WNK3: variants seen among roughly 807,000 people sequenced by gnomAD.
WNK3 encodes serine/threonine-protein kinase WNK3.
In WNK3, 18 loss-of-function variants were observed where a neutral mutation model predicts 116.7. The observed-to-expected ratio is 0.15, with a 90% CI of 0.11 to 0.23. The LOEUF is 0.23. Ranked by LOEUF, WNK3 falls within the 10% of genes least tolerant of loss-of-function variation. WNK3 has a pLI of 1.00. For missense variants in WNK3, 993 were observed against 1,323.8 expected, an observed-to-expected ratio of 0.75 and a Z score of 3.88; for synonymous variants, 404 against 469.4, an observed-to-expected ratio of 0.86 and a Z score of 1.80.
At chrX:54,223,186 A>C (rs2146804231) in intron 22 of WNK3, 1 of 110,494 alleles carries the variant, frequency 9.1e-6, no homozygotes, top group Non-Finnish European at 1.9e-5. Flanking sequence ...TGATAACAAT[A>C]AACACAATTC....
intron 1 of WNK3, among the ~76,000 whole-genome samples, chrX:54,350,291 T>C (rs1320646051): frequency 9.1e-6 from 1 of 109,873 alleles, no homozygotes; most frequent in Non-Finnish European, 1.9e-5. Flanking sequence ...GCACCTATAG[T>C]CCCAGCTACT....
intron 17 of WNK3, among the ~76,000 whole-genome samples, chrX:54,245,187 T>TGTGTGTG: frequency 9.5e-6 from 1 of 105,309 alleles, no homozygotes; most frequent in African/African-American, 3.5e-5. Flanking sequence ...TGTGTGTGTG[T>TGTGTGTG]TCCTTTTTAA....
At chrX:54,255,317 G>C (rs2068179994) in intron 12 of WNK3, among the ~76,000 whole-genome samples, 1 of 111,432 alleles carries the variant, frequency 9.0e-6, no homozygotes, top group Admixed American at 9.6e-5. Flanking sequence ...TTGTAAAGAT[G>C]AGTATATACT....
rs2067991453 is a variant in WNK3 at position 54,238,859 on chromosome X, G to A, written c.3883+9C>T. On this transcript the variant is annotated intron_variant, in intron 18 of 23. Transcript: ENST00000354646. The stretch of plus-strand genomic sequence containing the variant: ...ACCTAGTCTATGTCCCTGACTGTAA[G>A]CACACTACCTTGACGGACTTTTGAT... The A allele has an allele frequency of 1.8e-6, 2 of 1,134,680 alleles. No homozygotes were observed. The highest frequency in any genetic ancestry group is 2.2e-5 in the South Asian group (1 of 44,989). The allele number at this position is 1,134,680 out of a possible 1,213,427, so 93.5% of individuals were successfully genotyped here. A position where few individuals can be genotyped will look rare whatever the true frequency, so the allele number is the denominator to read the frequency against.
chrX:54,289,174 T>C (rs1473562101), intron 10 of WNK3, among the ~76,000 whole-genome samples: 2 of 110,976 alleles, frequency 1.8e-5, no homozygotes, highest in Non-Finnish European at 3.8e-5. Flanking sequence ...ATATGAGGGC[T>C]GTACTGCAGC....
chrX:54,215,766 C>T (rs1336615089), intron 22 of WNK3, among the ~76,000 whole-genome samples: 1 of 111,094 alleles, frequency 9.0e-6, no homozygotes, highest in African/African-American at 3.3e-5. Context: ...CCGGCCGCCA[C>T]CCAGTCTGGG....
At chrX:54,276,401 ATTATAC>A (rs2068448486) in intron 10 of WNK3, among the ~76,000 whole-genome samples, 2 of 111,724 alleles carry the variant, frequency 1.8e-5, no homozygotes, top group Non-Finnish European at 1.9e-5. Context: ...TATATCTACA[ATTATAC>A]TTAGAAACTT....
At chrX:54,292,921 G>A (rs2068655006) in exon 10 of WNK3, 2 of 1,208,451 alleles carry the variant, frequency 1.7e-6, no homozygotes, top group African/African-American at 1.8e-5. Flanking sequence ...CAGTTAATGG[G>A]GAAACCTGGG....
intron 2 of WNK3, among the ~76,000 whole-genome samples, chrX:54,312,938 T>C (rs1441257824): frequency 9.0e-6 from 1 of 111,632 alleles, no homozygotes; most frequent in Non-Finnish European, 1.9e-5. Context: ...GAGTACTAAA[T>C]TCCTTTAGTT....
chrX:54,323,611 A>C (rs183748431), intron 2 of WNK3, among the ~76,000 whole-genome samples: 1 of 112,062 alleles, frequency 8.9e-6, no homozygotes, highest in East Asian at 2.8e-4. Flanking sequence ...CAAAATAAAA[A>C]GTTTTTAAAA....
intron 22 of WNK3, among the ~76,000 whole-genome samples, chrX:54,213,816 T>G (rs1376327306): frequency 9.1e-6 from 1 of 110,060 alleles, no homozygotes; most frequent in Non-Finnish European, 1.9e-5. Context: ...CCCCAGATAT[T>G]AAATATAATG....
At chrX:54,306,176 A>G (rs2068822898) in intron 5 of WNK3, among the ~76,000 whole-genome samples, 1 of 111,952 alleles carries the variant, frequency 8.9e-6, no homozygotes, top group African/African-American at 3.2e-5. Context: ...GATGCAGAGA[A>G]AAGGGAACCC....
chrX:54,329,695 AT>A (rs2069145475), intron 2 of WNK3, among the ~76,000 whole-genome samples: 3 of 110,343 alleles, frequency 2.7e-5, no homozygotes, highest in Non-Finnish European at 3.8e-5. Context: ...CCACTGAAAT[AT>A]TTTCAAGTTT....
At chrX:54,207,986 T>G (rs2067573110) in intron 22 of WNK3, among the ~76,000 whole-genome samples, 1 of 111,049 alleles carries the variant, frequency 9.0e-6, no homozygotes, top group Non-Finnish European at 1.9e-5. Flanking sequence ...CAGATTTGGA[T>G]TCTCTCACCT....
chrX:54,193,675 C>T (rs1557139455), exon 24 of WNK3: 2 of 111,250 alleles, frequency 1.8e-5, no homozygotes, highest in African/African-American at 6.5e-5. Context: ...GTTGATCTTT[C>T]ACATACAAAG....
chrX:54,237,208 G>T, exon 20 of WNK3: 1 of 1,211,813 alleles, frequency 8.3e-7, no homozygotes, highest in Non-Finnish European at 1.1e-6. Flanking sequence ...CAACAGTTCA[G>T]ATCCAGACTG....
intron 7 of WNK3, among the ~76,000 whole-genome samples, chrX:54,295,148 A>G (rs1237616052): frequency 1.8e-5 from 2 of 108,988 alleles, no homozygotes; most frequent in Non-Finnish European, 3.8e-5. Flanking sequence ...CCACCGCCTC[A>G]GCCTCCCAAA....
chrX:54,293,153 T>C (rs991829539), exon 9 of WNK3: 2 of 1,207,353 alleles, frequency 1.7e-6, no homozygotes, highest in Non-Finnish European at 2.2e-6. Context: ...TTGCTGGTAA[T>C]GTCCTACTAG....
intron 22 of WNK3, among the ~76,000 whole-genome samples, chrX:54,226,690 A>C (rs1050921239): frequency 8.4e-5 from 9 of 107,139 alleles, no homozygotes; most frequent in African/African-American, 2.7e-4. Flanking sequence ...AAAAATAAAA[A>C]ATTAGTGGGG....
Sources: gnomAD v4.1 joint callset for allele counts (sites outside exome capture counted in the v4.1 genomes callset) on GRCh38, gnomAD v4.1.1 for gene constraint, MANE v1.5 for transcripts, NCBI Gene and HGNC (gene_info 2026-07-23, HGNC 2026-07-21) for gene names.